The following TULP4 variants were observed in gnomAD, a reference collection of about 807,000 sequenced individuals.
The protein encoded by TULP4 is tubby-related protein 4.
TULP4 carries 16 observed loss-of-function variants against 129.0 expected under a neutral mutation model. The ratio of observed to expected loss-of-function variants is 0.12; its 90% CI spans 0.08 to 0.19. TULP4 has a LOEUF of 0.19. Ranked by LOEUF, TULP4 falls within the 10% of genes least tolerant of loss-of-function variation. TULP4 has a pLI of 1.00. For synonymous variants in TULP4, 998 were observed against 854.0 expected, an observed-to-expected ratio of 1.17 and a Z score of -2.94; for missense variants, 1,842 against 2,059.1, an observed-to-expected ratio of 0.89 and a Z score of 2.04.
In TULP4 at chr6:158,510,820, G is replaced by C. The variant is rs1193308999; in HGVS notation, c.*4126G>C. ...TACCTAGGTCACCTCAAATTCCTGA[G>C]TGTGCTCTGCCATGTTACACGGTCT... is the stretch of plus-strand genomic sequence containing the variant. On this transcript the variant is annotated 3_prime_UTR_variant, in exon 14 of 14. Coordinates refer to ENST00000367097, the MANE Select transcript of TULP4 (RefSeq NM_020245.5). 1 of 152,198 alleles carries C rather than the reference G, an allele frequency of 6.6e-6. No individual in the cohort carries two copies. Among genetic ancestry groups the C allele is most frequent in the African/African-American group, 2.4e-5 (1 of 41,436 alleles). The allele number at this position is 152,198 out of a possible 1,614,324, so 9.4% of individuals were successfully genotyped here. A position where few individuals can be genotyped will look rare whatever the true frequency, so the allele number is the denominator to read the frequency against.
At chr6:158,432,175 A>G (rs754014513) in intron 3 of TULP4, among the ~76,000 whole-genome samples, 25 of 151,670 alleles carry the variant, frequency 1.6e-4, no homozygotes, top group Non-Finnish European at 2.8e-4. Context: ...AAAATTTACC[A>G]CAGAGAACAT....
At chr6:158,461,050 G>A (rs946779649) in intron 5 of TULP4, among the ~76,000 whole-genome samples, 2 of 152,196 alleles carry the variant, frequency 1.3e-5, no homozygotes, top group African/African-American at 4.8e-5. Context: ...CCCCAGTCAT[G>A]TGACAAACAC....
chr6:158,240,243 C>A (rs1422732657), intron 1 of TULP4, among the ~76,000 whole-genome samples: 3 of 65,466 alleles, frequency 4.6e-5, no homozygotes, highest in Admixed American at 1.5e-4. Flanking sequence ...CCCTCCCGGA[C>A]GGGGCGGCTG....
chr6:158,331,979 C>T (rs1197612787), intron 1 of TULP4, among the ~76,000 whole-genome samples: 1 of 148,140 alleles, frequency 6.8e-6, no homozygotes, highest in East Asian at 2.0e-4. Flanking sequence ...CGACACCAGC[C>T]TGGCCAACAT....
chr6:158,311,119 G>GA, upstream of TULP4, among the ~76,000 whole-genome samples: 1 of 152,306 alleles, frequency 6.6e-6, no homozygotes, highest in African/African-American at 2.4e-5. Context: ...GTATTATGAT[G>GA]AAAGTAGAGT....
intron 1 of TULP4, among the ~76,000 whole-genome samples, chr6:158,288,923 AT>A (rs1448548264): frequency 1.3e-5 from 2 of 152,216 alleles, no homozygotes; most frequent in African/African-American, 4.8e-5. Flanking sequence ...AGACAAACAG[AT>A]TTTCTAATAA....
At chr6:158,360,654 T>A (rs376238031) in intron 1 of TULP4, among the ~76,000 whole-genome samples, 10 of 152,158 alleles carry the variant, frequency 6.6e-5, no homozygotes, top group African/African-American at 2.4e-4. Context: ...CAGGTAATTG[T>A]TGCTGAGATG....
upstream of TULP4, among the ~76,000 whole-genome samples, chr6:158,280,951 G>T (rs1480821249): frequency 2.6e-5 from 4 of 152,100 alleles, no homozygotes; most frequent in Non-Finnish European, 5.9e-5. Context: ...TATTTAAAAA[G>T]AAATGAATAG....
intron 1 of TULP4, among the ~76,000 whole-genome samples, chr6:158,375,528 G>A (rs1777164021): frequency 6.6e-6 from 1 of 152,174 alleles, no homozygotes; most frequent in South Asian, 2.1e-4. Flanking sequence ...GGAGTGAGAG[G>A]TGTTTCCTCT....
At chr6:158,259,857 C>G (rs1250215314) in intron 1 of TULP4, among the ~76,000 whole-genome samples, 1 of 152,220 alleles carries the variant, frequency 6.6e-6, no homozygotes, top group Non-Finnish European at 1.5e-5. Context: ...TCAGGAACAG[C>G]CAAATGGAAG....
intron 1 of TULP4, among the ~76,000 whole-genome samples, chr6:158,406,273 A>G (rs1419420226): frequency 2.0e-5 from 3 of 152,196 alleles, no homozygotes; most frequent in Non-Finnish European, 2.9e-5. Context: ...GAGCCAGAGC[A>G]CTAAACATTT....
intron 1 of TULP4, among the ~76,000 whole-genome samples, chr6:158,378,484 T>TTTTTTG (rs1232571783): frequency 1.5e-5 from 2 of 129,306 alleles, no homozygotes; most frequent in African/African-American, 3.0e-5. Context: ...TTTTTTTTTT[T>TTTTTTG]TGGTGGGGGT....
At chr6:158,441,804 C>G (rs1221326367) in intron 3 of TULP4, among the ~76,000 whole-genome samples, 1 of 152,160 alleles carries the variant, frequency 6.6e-6, no homozygotes, top group African/African-American at 2.4e-5. Context: ...AACACTGGCA[C>G]CGTTTCTAAC....
At chr6:158,290,950 A>G (rs934079088) in intron 1 of TULP4, among the ~76,000 whole-genome samples, 8 of 152,202 alleles carry the variant, frequency 5.3e-5, no homozygotes, top group Non-Finnish European at 7.3e-5. Flanking sequence ...CTGTGCCTCA[A>G]TTTCCTCACC....
At chr6:158,297,090 C>G (rs1265361633) in intron 1 of TULP4, among the ~76,000 whole-genome samples, 1 of 151,790 alleles carries the variant, frequency 6.6e-6, no homozygotes, top group African/African-American at 2.4e-5. Flanking sequence ...TATCTCAGTC[C>G]TTTTCTCAAC....
intron 3 of TULP4, among the ~76,000 whole-genome samples, chr6:158,442,762 T>C (rs567987574): frequency 5.7e-4 from 87 of 152,012 alleles, no homozygotes; most frequent in African/African-American, 2.0e-3. Context: ...CCAGAGGTAA[T>C]GTGTTTTCAG....
intron 1 of TULP4, among the ~76,000 whole-genome samples, chr6:158,390,455 C>T (rs1046264863): frequency 6.6e-6 from 1 of 151,748 alleles, no homozygotes; most frequent in African/African-American, 2.4e-5. Context: ...ATATTTACAA[C>T]GTTTTGTTTT....
intron 10 of TULP4, among the ~76,000 whole-genome samples, chr6:158,494,341 AAAT>A (rs1298688407): frequency 3.9e-5 from 6 of 152,214 alleles, no homozygotes; most frequent in Admixed American, 6.5e-5. Context: ...ACCTTAGGCA[AAAT>A]AATTTCTTAA....
chr6:158,430,096 T>C (rs557656903), intron 3 of TULP4, among the ~76,000 whole-genome samples, 199 bp downstream of exon 3: 4 of 152,344 alleles, frequency 2.6e-5, no homozygotes, highest in Non-Finnish European at 4.4e-5. Flanking sequence ...TTCCCACCAA[T>C]ATGGTAACAT....
Sources: gnomAD v4.1 joint callset for allele counts (sites outside exome capture counted in the v4.1 genomes callset) on GRCh38, gnomAD v4.1.1 for gene constraint, MANE v1.5 for transcripts, NCBI Gene and HGNC (gene_info 2026-07-23, HGNC 2026-07-21) for gene names.